The following SH3GL2 variants were observed in gnomAD, a reference collection of about 807,000 sequenced individuals.
SH3GL2 encodes the protein endophilin-A1.
In SH3GL2, 24 loss-of-function variants were observed where a neutral mutation model predicts 46.0. The observed-to-expected ratio is 0.52, with a 90% CI of 0.38 to 0.73. The LOEUF is 0.73. Among genes scored for constraint, SH3GL2 ranks in the 30% least tolerant of loss-of-function variants. The pLI is 0.00. For missense variants in SH3GL2, 413 were observed against 424.2 expected (o/e 0.97, Z 0.23); for synonymous variants, 196 against 147.1 (o/e 1.33, Z -2.40).
intron 1 of SH3GL2, among the ~76,000 whole-genome samples, chr9:17,669,399 T>C (rs563165677): frequency 3.9e-5 from 6 of 152,314 alleles, no homozygotes; most frequent in Non-Finnish European, 8.8e-5. Context: ...GGATCACTTA[T>C]GTTGCTCTTT....
chr9:17,597,696 A>T (rs1033791967), intron 1 of SH3GL2, among the ~76,000 whole-genome samples: 1 of 152,004 alleles, frequency 6.6e-6, no homozygotes, highest in Non-Finnish European at 1.5e-5. Flanking sequence ...GTGAGGTGTG[A>T]GTTTGTTTGA....
intron 1 of SH3GL2, among the ~76,000 whole-genome samples, chr9:17,733,688 C>A (rs1822248292): frequency 6.6e-6 from 1 of 151,994 alleles, no homozygotes; most frequent in South Asian, 2.1e-4. Context: ...TATTGCGGCA[C>A]TATTCACAAT....
intron 1 of SH3GL2, among the ~76,000 whole-genome samples, chr9:17,681,367 T>G (rs569897478): frequency 6.6e-6 from 1 of 152,290 alleles, no homozygotes; most frequent in African/African-American, 2.4e-5. Context: ...GTTGTCATTG[T>G]ATTTTCCGCT....
At position 17,698,561 on chromosome 9, in the gene SH3GL2, A is replaced by T. The variant is rs566267425; in HGVS notation, c.46-48505A>T. Among the ~76,000 whole-genome samples the T allele has an allele frequency of 7.9e-5, 12 of 152,334 alleles. No individual in the cohort carries two copies. In the South Asian group the frequency reaches 2.5e-3, roughly 32 times the overall value. On this transcript the variant is annotated intron_variant, in intron 1 of 8. Coordinates refer to ENST00000380607, the MANE Select transcript of SH3GL2 (RefSeq NM_003026.5). ...ATAAACTAAGAAAATTGGATGTAAT[A>T]TGAAGAGATAAAATTCCATGAGCTG...
At chr9:17,761,300 C>G in intron 2 of SH3GL2, 137 bp from the exon 3 acceptor site, 1 of 658,812 alleles carries the variant, frequency 1.5e-6, no homozygotes, top group Non-Finnish European at 2.8e-6. Flanking sequence ...CCAGCCGCGT[C>G]TCAGCCTCCC....
chr9:17,704,363 C>T (rs936313016), intron 1 of SH3GL2, among the ~76,000 whole-genome samples: 2 of 151,996 alleles, frequency 1.3e-5, no homozygotes, highest in African/African-American at 4.8e-5. Flanking sequence ...CAGTTATACT[C>T]TCCAAAGCAA....
At chr9:17,645,182 T>TTTTTTTTTTTTTTTTTTTTTTTTTTTTTA (rs1819781790) in intron 1 of SH3GL2, among the ~76,000 whole-genome samples, 2 of 72,702 alleles carry the variant, frequency 2.8e-5, no homozygotes, top group Non-Finnish European at 5.7e-5. Context: ...TTTTTTTTTT[T>TTTTTTTTTTTTTTTTTTTTTTTTTTTTTA]GCTTTCCATT....
At chr9:17,738,653 G>GAT (rs1822431805) in intron 1 of SH3GL2, among the ~76,000 whole-genome samples, 1 of 110,268 alleles carries the variant, frequency 9.1e-6, no homozygotes, top group African/African-American at 3.2e-5. Flanking sequence ...GAGAGAGAGA[G>GAT]AGAGAGAGAG....
chr9:17,644,908 A>C (rs2061908010), intron 1 of SH3GL2, among the ~76,000 whole-genome samples: 1 of 147,930 alleles, frequency 6.8e-6, no homozygotes, highest in Admixed American at 6.9e-5. Flanking sequence ...GATCTGTCTA[A>C]TATTGACAGT....
At chr9:17,759,939 A>T (rs1248588228) in intron 2 of SH3GL2, among the ~76,000 whole-genome samples, 1 of 152,168 alleles carries the variant, frequency 6.6e-6, no homozygotes. Context: ...GTTTCAGCAT[A>T]TTTGTTCCAT....
At chr9:17,751,473 TGTGTGC>T (rs1287974118) in intron 2 of SH3GL2, among the ~76,000 whole-genome samples, 2 of 128,814 alleles carry the variant, frequency 1.6e-5, no homozygotes, top group Non-Finnish European at 3.4e-5. Flanking sequence ...TGTGTTTTTG[TGTGTGC>T]GTGTGTGTGT....
At chr9:17,615,911 C>T (rs958460401) in intron 1 of SH3GL2, among the ~76,000 whole-genome samples, 1 of 152,056 alleles carries the variant, frequency 6.6e-6, no homozygotes, top group African/African-American at 2.4e-5. Flanking sequence ...CTCCATTTTA[C>T]TTTTTCTACT....
In SH3GL2 at chr9:17,796,870, A is replaced by T. The variant is rs568257871; in HGVS notation, c.*1127A>T. On this transcript the variant is annotated 3_prime_UTR_variant, in exon 9 of 9. Transcript: ENST00000380607. ...TCTGCCCTTTCTATCCATCGTCTTC[A>T]TTTTGTGTGTACAGTGCTGTGTGTA... 2.0e-4 allele frequency: 31 copies of T among 152,626 alleles called. No individual in the cohort carries two copies. The highest frequency in any genetic ancestry group is 6.3e-4 in the African/African-American group (26 of 41,514). The allele number at this position is 152,626 out of a possible 1,614,324, so 9.5% of individuals were successfully genotyped here.
intron 3 of SH3GL2, among the ~76,000 whole-genome samples, chr9:17,768,186 A>C (rs1406227928): frequency 6.6e-6 from 1 of 151,972 alleles, no homozygotes; most frequent in Non-Finnish European, 1.5e-5. Flanking sequence ...CCTGGCTAAC[A>C]CAGTGAAACT....
At chr9:17,674,947 T>C (rs1820570946) in intron 1 of SH3GL2, among the ~76,000 whole-genome samples, 1 of 152,090 alleles carries the variant, frequency 6.6e-6, no homozygotes, top group Non-Finnish European at 1.5e-5. Flanking sequence ...ATTCAAGGGA[T>C]GGGGAGTAGA....
At chr9:17,749,904 A>ACTTT (rs1822796854) in intron 2 of SH3GL2, among the ~76,000 whole-genome samples, 1 of 152,224 alleles carries the variant, frequency 6.6e-6, no homozygotes, top group African/African-American at 2.4e-5. Context: ...TTATTTCAAA[A>ACTTT]TATAGATACT....
chr9:17,651,223 A>G lies in SH3GL2; in HGVS notation c.45+71936A>G, dbSNP rs1470873636. ...TTTTTTTCTCCATGTATATTTTTAGATTTACTTTGTTAAGCTTCCTCAAAT... is the reference window on the plus strand; with the variant it reads ...TTTTTTTCTCCATGTATATTTTTAGGTTTACTTTGTTAAGCTTCCTCAAAT... On this transcript the variant is annotated intron_variant, in intron 1 of 8. Coordinates refer to ENST00000380607, the MANE Select transcript of SH3GL2 (RefSeq NM_003026.5). Among the ~76,000 whole-genome samples the G allele has an allele frequency of 2.0e-5, 3 of 151,926 alleles. No homozygotes were observed. In the East Asian group the frequency reaches 5.8e-4, roughly 29 times the overall value.
chr9:17,684,816 T>C (rs1820862989), intron 1 of SH3GL2, among the ~76,000 whole-genome samples: 1 of 152,096 alleles, frequency 6.6e-6, no homozygotes. Flanking sequence ...CAACCCAGAT[T>C]CCTATGTCCT....
At position 17,747,448 on chromosome 9, in the gene SH3GL2, G is replaced by A. The variant is rs16935958; in HGVS notation, c.114+314G>A. Among the ~76,000 whole-genome samples, 209 of 152,090 alleles carry A rather than the reference G, an allele frequency of 1.4e-3. 1 individual carries two copies. Among genetic ancestry groups the A allele is most frequent in the Non-Finnish European group, 2.7e-3 (187 of 68,000 alleles). ...TGATGTTTGAATTAGGGTGAGATGCGTAGAAAAGAAGCTGCAGAATGACAT... is the reference window on the plus strand; with the variant it reads ...TGATGTTTGAATTAGGGTGAGATGCATAGAAAAGAAGCTGCAGAATGACAT... On this transcript the variant is annotated intron_variant, in intron 2 of 8. Transcript: ENST00000380607.
Sources: gnomAD v4.1 joint callset for allele counts (sites outside exome capture counted in the v4.1 genomes callset) on GRCh38, gnomAD v4.1.1 for gene constraint, MANE v1.5 for transcripts, NCBI Gene and HGNC (gene_info 2026-07-23, HGNC 2026-07-21) for gene names.